The following VAV3 variants were observed in gnomAD, a reference collection of about 807,000 sequenced individuals.
The protein encoded by VAV3 is guanine nucleotide exchange factor VAV3.
In VAV3, 94 loss-of-function variants were observed where a neutral mutation model predicts 131.2. The ratio of observed to expected loss-of-function variants is 0.72; its 90% CI spans 0.61 to 0.85. The LOEUF (loss-of-function observed/expected upper bound fraction) is 0.85, where lower values mean the gene tolerates loss of function less well. VAV3 is among the 40% of genes least tolerant of loss of function. The pLI is 0.00. For missense variants in VAV3, 939 were observed against 1,002.7 expected, an observed-to-expected ratio of 0.94 and a Z score of 0.86; for synonymous variants, 349 against 342.0, an observed-to-expected ratio of 1.02 and a Z score of -0.22.
chr1:107,902,008 A>C (rs1158101788), intron 1 of VAV3, among the ~76,000 whole-genome samples: 1 of 151,816 alleles, frequency 6.6e-6, no homozygotes, highest in African/African-American at 2.4e-5. Flanking sequence ...GTGCCACTGC[A>C]CTCTGGCCTT....
At chr1:107,892,421 G>T (rs1418143489) in intron 1 of VAV3, among the ~76,000 whole-genome samples, 1 of 152,180 alleles carries the variant, frequency 6.6e-6, no homozygotes, top group Non-Finnish European at 1.5e-5. Flanking sequence ...GGAGTTCACA[G>T]TCCAAGGAGC....
rs1655401182 is a variant in VAV3, at chr1:107,642,301, C to T, written c.1914+318G>A. Among the ~76,000 whole-genome samples the T allele has an allele frequency of 3.9e-5, 6 of 152,284 alleles. No homozygotes were observed. In the South Asian group the frequency reaches 1.2e-3, roughly 32 times the overall value. On this transcript the variant is annotated intron_variant, in intron 20 of 26. Coordinates refer to ENST00000370056, the MANE Select transcript of VAV3 (RefSeq NM_006113.5). Reference sequence around the variant, plus strand: ...AAGTGACCTCTGGTCGTCCTCACTACTACATTCCCATCAGCACCATGACAG... The same window carrying T: ...AAGTGACCTCTGGTCGTCCTCACTATTACATTCCCATCAGCACCATGACAG...
At chr1:107,787,895 C>G (rs1466281473) in intron 2 of VAV3, among the ~76,000 whole-genome samples, 2 of 152,000 alleles carry the variant, frequency 1.3e-5, no homozygotes, top group Non-Finnish European at 2.9e-5. Flanking sequence ...CTCTGAAGAC[C>G]CCAAACAGAG....
chr1:107,894,002 T>C (rs1671450303), intron 1 of VAV3, among the ~76,000 whole-genome samples: 1 of 152,162 alleles, frequency 6.6e-6, no homozygotes, highest in Admixed American at 6.5e-5. Flanking sequence ...GAAAGACCCC[T>C]GGCATGTGAA....
intron 2 of VAV3, among the ~76,000 whole-genome samples, chr1:107,790,064 C>T (rs965148578): frequency 6.6e-6 from 1 of 152,130 alleles, no homozygotes; most frequent in African/African-American, 2.4e-5. Flanking sequence ...GGTAGCATAG[C>T]GTGACATGCC....
At chr1:107,684,616 T>C (rs1053016395) in intron 18 of VAV3, among the ~76,000 whole-genome samples, 8 of 152,208 alleles carry the variant, frequency 5.3e-5, no homozygotes, top group African/African-American at 1.2e-4. Flanking sequence ...AATGTAATTT[T>C]GGTTTTTACT....
At chr1:107,790,576 T>C (rs948494441) in intron 2 of VAV3, among the ~76,000 whole-genome samples, 1 of 152,094 alleles carries the variant, frequency 6.6e-6, no homozygotes, top group African/African-American at 2.4e-5. Flanking sequence ...GGAATTGAGG[T>C]CTGAATGACA....
At chr1:107,921,215 TA>T (rs371876687) in intron 1 of VAV3, among the ~76,000 whole-genome samples, 30 of 152,356 alleles carry the variant, frequency 2.0e-4, no homozygotes, top group African/African-American at 7.0e-4. Context: ...AGCCTGGCCT[TA>T]AGGATCTATG....
chr1:107,949,939 A>C (rs1674454392), intron 1 of VAV3, among the ~76,000 whole-genome samples: 1 of 152,170 alleles, frequency 6.6e-6, no homozygotes, highest in African/African-American at 2.4e-5. Flanking sequence ...TATATGATTA[A>C]AAGAAAGTTG....
intron 2 of VAV3, among the ~76,000 whole-genome samples, chr1:107,819,841 C>A (rs1418415350): frequency 1.3e-5 from 2 of 151,926 alleles, no homozygotes; most frequent in Non-Finnish European, 2.9e-5. Context: ...GGTTGCCATA[C>A]AAAAATAACT....
intron 20 of VAV3, among the ~76,000 whole-genome samples, chr1:107,638,191 A>G (rs904684037): frequency 1.2e-4 from 19 of 152,210 alleles, no homozygotes; most frequent in Non-Finnish European, 1.9e-4. Context: ...TTGACATTTT[A>G]CTGGACATTC....
At chr1:107,822,827 G>C (rs1436056130) in intron 2 of VAV3, among the ~76,000 whole-genome samples, 1 of 152,036 alleles carries the variant, frequency 6.6e-6, no homozygotes, top group Non-Finnish European at 1.5e-5. Flanking sequence ...ATTATGTCTT[G>C]AACACCTACT....
rs147577259 is a variant in VAV3 at position 107,673,003 on chromosome 1, T to C, written c.1777+10485A>G. On this transcript the variant is annotated intron_variant, in intron 19 of 26. Coordinates refer to ENST00000370056, the MANE Select transcript of VAV3 (RefSeq NM_006113.5). Reference sequence around the variant, plus strand: ...TCTACATCCAAAATCTAGGAGTTCATATGCTTTGACCCAGATATTGTACCT... The same window carrying C: ...TCTACATCCAAAATCTAGGAGTTCACATGCTTTGACCCAGATATTGTACCT... 4.6e-5 allele frequency among the ~76,000 whole-genome samples: 7 copies of C among 152,326 alleles called. No individual in the cohort carries two copies. The East Asian group carries it at 1.4e-3, about 29-fold the overall frequency.
intron 1 of VAV3, among the ~76,000 whole-genome samples, chr1:107,933,899 C>T (rs991764313): frequency 1.7e-4 from 26 of 151,666 alleles, no homozygotes; most frequent in African/African-American, 6.1e-4. Flanking sequence ...AGCAATGTTT[C>T]CACAGTCATA....
intron 1 of VAV3, among the ~76,000 whole-genome samples, chr1:107,939,066 G>C (rs1284110630): frequency 6.6e-6 from 1 of 152,216 alleles, no homozygotes; most frequent in Non-Finnish European, 1.5e-5. Flanking sequence ...GGCAGCCCCA[G>C]AATCGCTGTG....
chr1:107,896,677 T>C (rs1671596280), intron 1 of VAV3, among the ~76,000 whole-genome samples: 1 of 148,852 alleles, frequency 6.7e-6, no homozygotes, highest in Non-Finnish European at 1.5e-5. Context: ...TTCTATATGG[T>C]TGTTGTAATT....
chr1:107,923,853 T>C (rs981833075), intron 1 of VAV3, among the ~76,000 whole-genome samples: 1 of 152,162 alleles, frequency 6.6e-6, no homozygotes, highest in African/African-American at 2.4e-5. Context: ...AGGGGACTCA[T>C]TTGCCCTTCC....
At chr1:107,664,353 C>T (rs1180927038) in intron 19 of VAV3, among the ~76,000 whole-genome samples, 1 of 146,160 alleles carries the variant, frequency 6.8e-6, no homozygotes, top group Non-Finnish European at 1.5e-5. Context: ...CTCCCCAACC[C>T]CCCACAAAAG....
chr1:107,587,738 G>A (rs377495673), intron 25 of VAV3, among the ~76,000 whole-genome samples: 3 of 151,960 alleles, frequency 2.0e-5, no homozygotes, highest in African/African-American at 7.3e-5. Flanking sequence ...TTACAGATGC[G>A]TGCCACCACA....
Sources: allele counts gnomAD v4.1 joint callset (sites outside exome capture counted in the v4.1 genomes callset), GRCh38; gene constraint gnomAD v4.1.1; transcripts MANE v1.5; gene names NCBI Gene and HGNC (gene_info 2026-07-23, HGNC 2026-07-21).